Variants in HS3ST3A1 observed in about 807,000 individuals in gnomAD.
HS3ST3A1 encodes the protein heparan sulfate-glucosamine 3-sulfotransferase 3A1, also known as heparan sulfate glucosamine 3-O-sulfotransferase 3A1.
In HS3ST3A1, 19 loss-of-function variants were observed where a neutral mutation model predicts 25.7. The ratio of observed to expected loss-of-function variants is 0.74; its 90% CI spans 0.52 to 1.08. The LOEUF (loss-of-function observed/expected upper bound fraction) is 1.08. Ranked by LOEUF, HS3ST3A1 falls within the 50% of genes least tolerant of loss-of-function variation. The pLI is 0.00. For synonymous variants in HS3ST3A1, 226 were observed against 278.6 expected, an observed-to-expected ratio of 0.81 and a Z score of 1.88; for missense variants, 459 against 594.3, an observed-to-expected ratio of 0.77 and a Z score of 2.37.
chr17:13,558,394 T>C (rs910825641), intron 1 of HS3ST3A1, among the ~76,000 whole-genome samples: 3 of 152,098 alleles, frequency 2.0e-5, no homozygotes, highest in African/African-American at 7.2e-5. Context: ...TAAAGTACTA[T>C]GTACTTCAAT....
chr17:13,540,201 T>A (rs775140219), intron 1 of HS3ST3A1, among the ~76,000 whole-genome samples: 3 of 152,242 alleles, frequency 2.0e-5, no homozygotes, highest in Non-Finnish European at 4.4e-5. Context: ...TCACAATGTC[T>A]TCAAGCAACA....
At chr17:13,517,939 T>G (rs902483159) in intron 1 of HS3ST3A1, among the ~76,000 whole-genome samples, 5 of 152,224 alleles carry the variant, frequency 3.3e-5, no homozygotes, top group Non-Finnish European at 7.3e-5. Flanking sequence ...TCACTGTGCC[T>G]GGCCGTAAAT....
rs538912632 is a variant in HS3ST3A1, at chr17:13,537,173, C to T, written c.600-40355G>A. Among the ~76,000 whole-genome samples the T allele has an allele frequency of 9.8e-5, 15 of 152,298 alleles. 1 individual carries two copies. The highest frequency in any genetic ancestry group is 9.8e-4 in the Admixed American group (15 of 15,288). ...AAACACATTGGAATCATAGCCTGAG[C>T]TCTGCTAGGTAGAGGATCAGTTTAT... On this transcript the variant is annotated intron_variant, in intron 1 of 1. Transcript: ENST00000284110.
At chr17:13,550,573 T>C (rs1261412348) in intron 1 of HS3ST3A1, among the ~76,000 whole-genome samples, 2 of 152,220 alleles carry the variant, frequency 1.3e-5, no homozygotes, top group African/African-American at 4.8e-5. Flanking sequence ...AACGCCTGCA[T>C]TGTCAGTTTT....
chr17:13,599,950 A>G (rs1908674604), intron 1 of HS3ST3A1, among the ~76,000 whole-genome samples: 1 of 152,254 alleles, frequency 6.6e-6, no homozygotes, highest in African/African-American at 2.4e-5. Flanking sequence ...TTTAAAATAC[A>G]GTGCCTGGTT....
intron 1 of HS3ST3A1, among the ~76,000 whole-genome samples, chr17:13,580,079 GT>G (rs1231491923): frequency 6.6e-6 from 1 of 151,540 alleles, no homozygotes; most frequent in African/African-American, 2.4e-5. Flanking sequence ...CATTTGCCAT[GT>G]TTTTCGTAAG....
At chr17:13,541,631 C>T (rs1404757083) in intron 1 of HS3ST3A1, among the ~76,000 whole-genome samples, 1 of 152,182 alleles carries the variant, frequency 6.6e-6, no homozygotes, top group Non-Finnish European at 1.5e-5. Flanking sequence ...GAGACTCTTG[C>T]TCCTTAAGGA....
At chr17:13,533,075 T>C (rs568278417) in intron 1 of HS3ST3A1, among the ~76,000 whole-genome samples, 1 of 152,278 alleles carries the variant, frequency 6.6e-6, no homozygotes, top group East Asian at 1.9e-4. Flanking sequence ...ATCCTTTTTA[T>C]AGTGTTGCTG....
chr17:13,540,493 G>T (rs145004153), intron 1 of HS3ST3A1, among the ~76,000 whole-genome samples: 1 of 152,178 alleles, frequency 6.6e-6, no homozygotes, highest in South Asian at 2.1e-4. Context: ...AAAAATGCAT[G>T]CTCAATTGAT....
intron 1 of HS3ST3A1, among the ~76,000 whole-genome samples, chr17:13,556,608 C>T (rs189947579): frequency 2.0e-5 from 3 of 152,038 alleles, no homozygotes; most frequent in East Asian, 3.9e-4. Flanking sequence ...AATCCCAGCA[C>T]TTTGGGAGGC....
intron 1 of HS3ST3A1, among the ~76,000 whole-genome samples, chr17:13,576,247 T>A (rs1907945410): frequency 1.3e-5 from 2 of 152,188 alleles, no homozygotes; most frequent in African/African-American, 4.8e-5. Flanking sequence ...AAGTGGGTGG[T>A]CCCAGCTCAG....
intron 1 of HS3ST3A1, among the ~76,000 whole-genome samples, chr17:13,500,347 C>A (rs1347498403): frequency 6.6e-6 from 1 of 152,134 alleles, no homozygotes. Context: ...AATGGCAAAA[C>A]CTACAATTAC....
chr17:13,512,155 C>T lies in HS3ST3A1; in HGVS notation c.600-15337G>A, dbSNP rs188526684. ...TCTACTAAAAATACAAAAAATTAGCCGGGCGCGGTGGCGGGCGCCTGTAGT... is the reference window on the plus strand; with the variant it reads ...TCTACTAAAAATACAAAAAATTAGCTGGGCGCGGTGGCGGGCGCCTGTAGT... On this transcript the variant is annotated intron_variant, in intron 1 of 1. Transcript: ENST00000284110. Among the ~76,000 whole-genome samples, 562 of 151,864 alleles carry T rather than the reference C, an allele frequency of 3.7e-3. 3 individuals are homozygous for T. The highest frequency in any genetic ancestry group is 0.013 in the African/African-American group (543 of 41,382).
intron 1 of HS3ST3A1, among the ~76,000 whole-genome samples, chr17:13,502,691 A>G (rs1905520163): frequency 6.6e-6 from 1 of 152,106 alleles, no homozygotes; most frequent in South Asian, 2.1e-4. Context: ...TATTTGGTCA[A>G]TTTTCTATTT....
At chr17:13,501,327 C>G (rs928712772) in intron 1 of HS3ST3A1, among the ~76,000 whole-genome samples, 2 of 150,718 alleles carry the variant, frequency 1.3e-5, no homozygotes, top group African/African-American at 5.0e-5. Context: ...ACCACTGAAC[C>G]TAACAGTGGT....
At chr17:13,559,945 C>T (rs534029662) in intron 1 of HS3ST3A1, among the ~76,000 whole-genome samples, 1 of 151,496 alleles carries the variant, frequency 6.6e-6, no homozygotes, top group Non-Finnish European at 1.5e-5. Context: ...TTCTTTGATC[C>T]TCTAAATTTA....
chr17:13,560,556 T>A (rs1598426652), intron 1 of HS3ST3A1, among the ~76,000 whole-genome samples: 1 of 152,122 alleles, frequency 6.6e-6, no homozygotes, highest in African/African-American at 2.4e-5. Context: ...ACAAATTTTA[T>A]TACAGCGTGT....
Position 13,494,660 on chromosome 17 carries a change from C to T in HS3ST3A1, c.*1537G>A, listed in dbSNP as rs1363240316. Among the ~76,000 whole-genome samples, 1 of 152,126 alleles carries T rather than the reference C, an allele frequency of 6.6e-6. No homozygotes were observed. The highest frequency in any genetic ancestry group is 6.5e-5 in the Admixed American group (1 of 15,272). On this transcript the variant is annotated 3_prime_UTR_variant, in exon 2 of 2. Coordinates refer to ENST00000284110, the MANE Select transcript of HS3ST3A1 (RefSeq NM_006042.3). ...TAAATTTCTAATAAAATGTTGCTGA[C>T]AGGCTAATTATAAATGTTTTATATA...
chr17:13,533,630 A>T (rs1906681596), intron 1 of HS3ST3A1, among the ~76,000 whole-genome samples: 5 of 152,064 alleles, frequency 3.3e-5, no homozygotes, highest in Admixed American at 2.6e-4. Context: ...GCATCACGAT[A>T]GAAAGATGTT....
Sources: allele counts gnomAD v4.1 joint callset (sites outside exome capture counted in the v4.1 genomes callset), GRCh38; gene constraint gnomAD v4.1.1; transcripts MANE v1.5; gene names NCBI Gene and HGNC (gene_info 2026-07-23, HGNC 2026-07-21).